SNTG2: variants seen among roughly 807,000 people sequenced by gnomAD.
The protein encoded by SNTG2 is gamma-2-syntrophin.
SNTG2 carries 74 observed loss-of-function variants against 70.9 expected under a neutral mutation model. That is an observed-to-expected ratio of 1.04 (90% CI 0.86 to 1.27). The LOEUF (loss-of-function observed/expected upper bound fraction) is 1.27. Among genes scored for constraint, SNTG2 ranks in the 50% most tolerant of loss-of-function variants. The pLI, the probability that SNTG2 is intolerant of heterozygous loss-of-function variation, is 0.00. For missense variants in SNTG2, 717 were observed against 690.7 expected (o/e 1.04, Z -0.43); for synonymous variants, 278 against 273.8 (o/e 1.02, Z -0.15).
intron 1 of SNTG2, among the ~76,000 whole-genome samples, chr2:965,936 C>T (rs1339057246): frequency 1.3e-5 from 2 of 152,174 alleles, no homozygotes; most frequent in Non-Finnish European, 2.9e-5. Context: ...TTAGGGCGGG[C>T]TGGGCCCAGC....
intron 8 of SNTG2, among the ~76,000 whole-genome samples, chr2:1,206,249 A>G (rs760528016): frequency 3.9e-5 from 6 of 152,184 alleles, no homozygotes; most frequent in Non-Finnish European, 7.3e-5. Flanking sequence ...AATGAGCAGC[A>G]CCTACCTTGA....
At chr2:1,006,165 T>G (rs2147992718) in intron 1 of SNTG2, among the ~76,000 whole-genome samples, 1 of 94,738 alleles carries the variant, frequency 1.1e-5, no homozygotes. Context: ...CTGGGGACTG[T>G]GGTGGGGTGG....
intron 14 of SNTG2, among the ~76,000 whole-genome samples, chr2:1,303,072 C>T (rs1462655717): frequency 6.6e-6 from 1 of 152,152 alleles, no homozygotes; most frequent in Admixed American, 6.5e-5. Context: ...TCCTTCTCAA[C>T]AATTGAAAGA....
chr2:1,152,571 T>C (rs1253992805), intron 6 of SNTG2, among the ~76,000 whole-genome samples: 1 of 40,160 alleles, frequency 2.5e-5, no homozygotes, highest in East Asian at 8.1e-4. Flanking sequence ...GGTGTGCACA[T>C]GTGCATGTGT....
intron 1 of SNTG2, among the ~76,000 whole-genome samples, chr2:1,014,465 G>A (rs1242965915): frequency 1.4e-4 from 13 of 90,088 alleles, no homozygotes; most frequent in South Asian, 3.6e-4. Context: ...GGTCTGTAGA[G>A]GGATTTATAA....
intron 8 of SNTG2, among the ~76,000 whole-genome samples, chr2:1,203,977 C>G (rs1012666088): frequency 6.6e-6 from 1 of 152,132 alleles, no homozygotes; most frequent in Admixed American, 6.5e-5. Context: ...TTTGCTGACA[C>G]ACACATTAAC....
intron 9 of SNTG2, among the ~76,000 whole-genome samples, chr2:1,230,655 G>A (rs1445290084): frequency 6.6e-6 from 1 of 152,214 alleles, no homozygotes; most frequent in African/African-American, 2.4e-5. Flanking sequence ...GCAGTGCCCA[G>A]ATCCATGGGT....
intron 1 of SNTG2, among the ~76,000 whole-genome samples, chr2:1,031,015 A>G (rs193021151): frequency 2.5e-4 from 38 of 152,340 alleles, no homozygotes; most frequent in Admixed American, 5.9e-4. Context: ...AAGTAAAAAC[A>G]CCAATAAATA....
At chr2:1,098,051 T>A (rs929627477) in intron 2 of SNTG2, 145 bp from the exon 3 acceptor site, 12 of 798,030 alleles carry the variant, frequency 1.5e-5, no homozygotes, top group Non-Finnish European at 2.3e-5. Flanking sequence ...TTTGAAATAG[T>A]GTCATTACTG....
chr2:1,123,840 T>A (rs200784749), intron 4 of SNTG2, among the ~76,000 whole-genome samples: 1 of 152,208 alleles, frequency 6.6e-6, no homozygotes, highest in Non-Finnish European at 1.5e-5. Context: ...TTCAGGTTAA[T>A]AGAACAAGTA....
intron 4 of SNTG2, among the ~76,000 whole-genome samples, chr2:1,134,574 C>T (rs1282042200): frequency 6.6e-6 from 1 of 152,164 alleles, no homozygotes. Flanking sequence ...GAGCTAGATA[C>T]AGAGTGCCGA....
intron 16 of SNTG2, among the ~76,000 whole-genome samples, chr2:1,355,524 T>C (rs893061985): frequency 1.3e-5 from 2 of 152,212 alleles, no homozygotes; most frequent in Admixed American, 6.5e-5. Flanking sequence ...AATAACAGTG[T>C]ATCCTTTTTT....
At chr2:1,245,884 C>T (rs1299356240) in intron 11 of SNTG2, among the ~76,000 whole-genome samples, 1 of 152,114 alleles carries the variant, frequency 6.6e-6, no homozygotes, top group East Asian at 1.9e-4. Context: ...TCCCGTAATT[C>T]TCACGTGAGA....
At chr2:1,293,472 T>G (rs1359506949) in intron 14 of SNTG2, among the ~76,000 whole-genome samples, 1 of 152,178 alleles carries the variant, frequency 6.6e-6, no homozygotes. Context: ...AGATCTTTCT[T>G]TTTTTAATAT....
chr2:1,148,766 AGAG>A (rs1444726004), intron 6 of SNTG2, among the ~76,000 whole-genome samples: 2 of 152,128 alleles, frequency 1.3e-5, no homozygotes, highest in African/African-American at 4.8e-5. Context: ...GGACCCACAT[AGAG>A]GGGCTTTCAA....
At chr2:1,144,359 T>C (rs1668961989) in intron 6 of SNTG2, among the ~76,000 whole-genome samples, 1 of 152,284 alleles carries the variant, frequency 6.6e-6, no homozygotes, top group Admixed American at 6.5e-5. Context: ...ATCAATCCAC[T>C]GCATATAATG....
chr2:1,274,977 G>A (rs1487850488), intron 14 of SNTG2, among the ~76,000 whole-genome samples: 1 of 152,246 alleles, frequency 6.6e-6, no homozygotes, highest in Non-Finnish European at 1.5e-5. Context: ...TTCCTGCTGA[G>A]TCCTAACATG....
At chr2:1,068,883 T>C (rs6751006) in intron 1 of SNTG2, among the ~76,000 whole-genome samples, 27,009 of 152,270 alleles carry the variant, frequency 0.18, 2,474 homozygotes, top group South Asian at 0.22. Flanking sequence ...ATGTCACTTA[T>C]GCGCCAGCTG....
At chr2:1,229,606 C>T (rs1676050948) in intron 9 of SNTG2, among the ~76,000 whole-genome samples, 1 of 152,236 alleles carries the variant, frequency 6.6e-6, no homozygotes, top group Admixed American at 6.5e-5. Flanking sequence ...TCGCATTCCT[C>T]AGCCCTTGGG....
Sources: allele counts gnomAD v4.1 joint callset (sites outside exome capture counted in the v4.1 genomes callset), GRCh38; gene constraint gnomAD v4.1.1; transcripts MANE v1.5; gene names NCBI Gene and HGNC (gene_info 2026-07-23, HGNC 2026-07-21).